FAM193A: variants seen among roughly 807,000 people sequenced by gnomAD.
FAM193A encodes the protein family with sequence similarity 193 member A.
FAM193A carries 22 observed loss-of-function variants against 126.5 expected under a neutral mutation model. The observed-to-expected ratio is 0.17, with a 90% CI of 0.12 to 0.25. FAM193A has a LOEUF of 0.25. Among genes scored for constraint, FAM193A ranks in the 10% least tolerant of loss-of-function variants. The probability of loss-of-function intolerance (pLI) is 1.00; values close to 1 mark genes in which losing one functional copy is unlikely to be tolerated. For synonymous variants in FAM193A, 761 were observed against 646.8 expected (o/e 1.18, Z -2.68); for missense variants, 1,675 against 1,672.8 (o/e 1.00, Z -0.02).
intron 13 of FAM193A, among the ~76,000 whole-genome samples, chr4:2,687,244 A>G (rs1029893246): frequency 4.6e-5 from 7 of 152,134 alleles, no homozygotes; most frequent in Non-Finnish European, 8.8e-5. Flanking sequence ...CAGGGACTCT[A>G]TGTCTATATA....
intron 1 of FAM193A, among the ~76,000 whole-genome samples, chr4:2,539,099 G>T (rs1737067121): frequency 6.6e-6 from 1 of 151,408 alleles, no homozygotes; most frequent in South Asian, 2.1e-4. Flanking sequence ...TCACTATGTT[G>T]GGCAGGCTGG....
chr4:2,561,596 A>C (rs541993610), intron 1 of FAM193A, among the ~76,000 whole-genome samples: 2 of 150,620 alleles, frequency 1.3e-5, no homozygotes, highest in East Asian at 3.9e-4. Context: ...TCCCAGGTTC[A>C]GGTGATTCTC....
At chr4:2,623,213 C>G (rs1159797632) in intron 2 of FAM193A, among the ~76,000 whole-genome samples, 1 of 151,684 alleles carries the variant, frequency 6.6e-6, no homozygotes, top group Non-Finnish European at 1.5e-5. Context: ...GCTTTGTCAC[C>G]AGGCTGGAGT....
At chr4:2,640,669 C>T (rs560731314) in intron 6 of FAM193A, among the ~76,000 whole-genome samples, 5 of 152,162 alleles carry the variant, frequency 3.3e-5, no homozygotes, top group East Asian at 1.9e-4. Flanking sequence ...CATTTGACCA[C>T]GTTAACCTAT....
At chr4:2,622,494 C>A (rs1272429209) in intron 2 of FAM193A, among the ~76,000 whole-genome samples, 1 of 143,774 alleles carries the variant, frequency 7.0e-6, no homozygotes, top group African/African-American at 3.0e-5. Flanking sequence ...TAGCGCTAGG[C>A]CTGTGGTCCT....
intron 20 of FAM193A, among the ~76,000 whole-genome samples, chr4:2,718,617 CT>C: frequency 6.6e-6 from 1 of 152,246 alleles, no homozygotes; most frequent in African/African-American, 2.4e-5. Flanking sequence ...GTCCCAGCTA[CT>C]CAGGAGGCTG....
intron 20 of FAM193A, among the ~76,000 whole-genome samples, chr4:2,720,455 C>T (rs990911085): frequency 6.6e-6 from 1 of 151,964 alleles, no homozygotes; most frequent in African/African-American, 2.4e-5. Flanking sequence ...AGTTTGAGAC[C>T]AGCCTGAGCA....
At chr4:2,610,824 G>A (rs532037409) in intron 2 of FAM193A, among the ~76,000 whole-genome samples, 3 of 151,152 alleles carry the variant, frequency 2.0e-5, no homozygotes, top group Non-Finnish European at 4.4e-5. Flanking sequence ...CGCAGCCTCC[G>A]CCTCCCAAGT....
chr4:2,729,739 T>G (rs1216636729), intron 20 of FAM193A, among the ~76,000 whole-genome samples: 1 of 151,872 alleles, frequency 6.6e-6, no homozygotes, highest in Non-Finnish European at 1.5e-5. Context: ...GCCTCCCGAG[T>G]AGCTAGGACC....
intron 1 of FAM193A, among the ~76,000 whole-genome samples, chr4:2,577,422 G>GTTTTGTTTTTTT (rs1723044132): frequency 1.7e-5 from 2 of 115,542 alleles, no homozygotes; most frequent in Admixed American, 9.1e-5. Context: ...TTTTTTTTTT[G>GTTTTGTTTTTTT]TTTTTTTTTT....
intron 1 of FAM193A, among the ~76,000 whole-genome samples, chr4:2,572,351 G>A (rs990350053): frequency 6.7e-6 from 1 of 149,746 alleles, no homozygotes; most frequent in South Asian, 2.1e-4. Flanking sequence ...AAAAGTCCAA[G>A]GTAACATTTC....
At chr4:2,604,686 T>C (rs766648866) in intron 2 of FAM193A, among the ~76,000 whole-genome samples, 1 of 151,832 alleles carries the variant, frequency 6.6e-6, no homozygotes, top group Non-Finnish European at 1.5e-5. Context: ...CTTTTAATTT[T>C]GATTTCTTTG....
chr4:2,680,367 C>T (rs1714964970), intron 13 of FAM193A, among the ~76,000 whole-genome samples: 1 of 152,166 alleles, frequency 6.6e-6, no homozygotes, highest in Non-Finnish European at 1.5e-5. Context: ...GTCACCCAGG[C>T]AGGAGTACAA....
chr4:2,624,944 A>C (rs1742807272), intron 2 of FAM193A, among the ~76,000 whole-genome samples: 1 of 152,124 alleles, frequency 6.6e-6, no homozygotes, highest in Non-Finnish European at 1.5e-5. Context: ...TATAGCCTCA[A>C]CTTCCCAGGC....
At chr4:2,657,264 A>G (rs1711819814) in intron 7 of FAM193A, among the ~76,000 whole-genome samples, 1 of 152,122 alleles carries the variant, frequency 6.6e-6, no homozygotes, top group Non-Finnish European at 1.5e-5. Flanking sequence ...CAGCCTTGAC[A>G]GAAGCTTACA....
chr4:2,611,261 C>CTATTTATT (rs527253867), intron 2 of FAM193A, among the ~76,000 whole-genome samples: 36 of 151,424 alleles, frequency 2.4e-4, no homozygotes, highest in South Asian at 8.4e-4. Context: ...TCTGCATTTT[C>CTATTTATT]TATTTATTTA....
intron 19 of FAM193A, among the ~76,000 whole-genome samples, chr4:2,704,824 C>G (rs952438675): frequency 6.6e-6 from 1 of 152,222 alleles, no homozygotes; most frequent in African/African-American, 2.4e-5. Flanking sequence ...TTATTAAGGG[C>G]TATTTCTTTT....
At chr4:2,541,852 A>G (rs967565737) in intron 1 of FAM193A, among the ~76,000 whole-genome samples, 2 of 151,356 alleles carry the variant, frequency 1.3e-5, no homozygotes, top group African/African-American at 2.4e-5. Flanking sequence ...TATTTTTGAG[A>G]CAGAGTCTTG....
chr4:2,692,861 G>A (rs918896714), intron 15 of FAM193A, among the ~76,000 whole-genome samples: 3 of 151,400 alleles, frequency 2.0e-5, no homozygotes, highest in African/African-American at 4.9e-5. Context: ...GAGGGAGGGA[G>A]GGAGGGAAAG....
Sources: gnomAD v4.1 joint callset for allele counts (sites outside exome capture counted in the v4.1 genomes callset) on GRCh38, gnomAD v4.1.1 for gene constraint, MANE v1.5 for transcripts, NCBI Gene and HGNC (gene_info 2026-07-23, HGNC 2026-07-21) for gene names.